The following MBNL2 variants were observed in gnomAD, a reference collection of about 807,000 sequenced individuals.
MBNL2 encodes muscleblind like splicing regulator 2.
A neutral mutation model predicts 41.9 loss-of-function variants in MBNL2; 17 were observed. The ratio of observed to expected loss-of-function variants is 0.41; its 90% CI spans 0.28 to 0.61. The LOEUF (loss-of-function observed/expected upper bound fraction) is 0.61, where lower values mean the gene tolerates loss of function less well. MBNL2 is among the 20% of genes least tolerant of loss of function. MBNL2 has a pLI of 0.35. For missense variants in MBNL2, 336 were observed against 505.6 expected (o/e 0.66, Z 3.22); for synonymous variants, 195 against 182.9 (o/e 1.07, Z -0.53).
chr13:97,203,350 A>T, the MBNL2 span, among the ~76,000 whole-genome samples: 1,868 of 152,290 alleles, frequency 0.012, 45 homozygotes, highest in African/African-American at 0.042. Context: ...TAATTCTGTG[A>T]ATAGAGGCGC....
At chr13:97,352,299 C>T (rs562939020) in intron 5 of MBNL2, among the ~76,000 whole-genome samples, 1 of 152,196 alleles carries the variant, frequency 6.6e-6, no homozygotes, top group Admixed American at 6.5e-5. Flanking sequence ...TTTCGACATG[C>T]CTTCCTCACT....
At chr13:97,160,634 A>G in the MBNL2 span, among the ~76,000 whole-genome samples, 1 of 152,112 alleles carries the variant, frequency 6.6e-6, no homozygotes, top group South Asian at 2.1e-4. Flanking sequence ...TTTCAGTTAC[A>G]TGGCTACTCA....
upstream of MBNL2, among the ~76,000 whole-genome samples, chr13:97,218,435 C>CAAAAAA (rs748001765): frequency 1.2e-4 from 8 of 67,550 alleles, no homozygotes; most frequent in East Asian, 1.4e-3. Context: ...CAAAACAAAA[C>CAAAAAA]AAAACAAAAA....
rs1206820857 is a variant in MBNL2 at position 97,268,317 on chromosome 13, G to T, written c.-604-7315G>T. Among the ~76,000 whole-genome samples, 1 of 152,124 alleles carries T rather than the reference G, an allele frequency of 6.6e-6. No homozygotes were observed. The highest frequency in any genetic ancestry group is 1.5e-5 in the Non-Finnish European group (1 of 68,018). ...GGGTTTCACCATGCTTTCCAGGCTG[G>T]TCTGGAACTCCTGACTTCAAATGAT... On this transcript the variant is annotated intron_variant, in intron 1 of 8. Transcript: ENST00000679496. The surrounding 1 kb of genome is among the most constrained non-coding windows in gnomAD (Gnocchi z 4.6).
intron 2 of MBNL2, among the ~76,000 whole-genome samples, chr13:97,287,668 A>G (rs114317862): frequency 0.017 from 2,524 of 147,570 alleles, 59 homozygotes; most frequent in African/African-American, 0.051. Flanking sequence ...TTTTCTTCTT[A>G]TTCTTCTGAT....
chr13:97,356,828 T>C lies in MBNL2; in HGVS notation c.837T>C (p.Pro279=). Residue 279 remains proline (P), a synonymous_variant, in exon 6 of 9, where the codon CCT becomes CCC. Coordinates refer to ENST00000679496, the MANE Select transcript of MBNL2 (RefSeq NM_001382683.1). ...TQSTAKAMKR[P]LEATVDLAFP... is the part of the protein sequence containing the mutation. ...CGACTGCCAAAGCAATGAAGCGACC[T>C]CTCGAAGCAACTGTAGACCTGGTAC... 7.3e-7 allele frequency: 1 copy of C among 1,363,322 alleles called. No individual in the cohort carries two copies. Among genetic ancestry groups the C allele is most frequent in the Non-Finnish European group, 9.8e-7 (1 of 1,018,326 alleles). The allele number at this position is 1,363,322 out of a possible 1,614,324, so 84.5% of individuals were successfully genotyped here. A position where few individuals can be genotyped will look rare whatever the true frequency, so the allele number is the denominator to read the frequency against.
At chr13:97,352,065 A>AAATAAAT (rs1566435696) in intron 5 of MBNL2, among the ~76,000 whole-genome samples, 4 of 145,388 alleles carry the variant, frequency 2.8e-5, no homozygotes, top group African/African-American at 7.7e-5. Context: ...AATAAATAAT[A>AAATAAAT]AATAAATAAA....
chr13:97,246,165 T>G (rs184415981), intron 1 of MBNL2, among the ~76,000 whole-genome samples: 205 of 152,304 alleles, frequency 1.3e-3, no homozygotes, highest in African/African-American at 4.7e-3. Context: ...ATACCACTTG[T>G]CCCAACTTAT....
chr13:97,144,958 C>T, the MBNL2 span, among the ~76,000 whole-genome samples: 1 of 152,178 alleles, frequency 6.6e-6, no homozygotes, highest in Non-Finnish European at 1.5e-5. Context: ...TTTGAACCCT[C>T]TAAACTTACA....
the MBNL2 span, among the ~76,000 whole-genome samples, chr13:97,167,642 C>A: frequency 1.3e-5 from 2 of 151,938 alleles, no homozygotes; most frequent in African/African-American, 4.8e-5. Context: ...AGCTAATTAC[C>A]AATCTAATTT....
chr13:97,205,327 G>A, the MBNL2 span, among the ~76,000 whole-genome samples: 3 of 150,020 alleles, frequency 2.0e-5, no homozygotes, highest in African/African-American at 7.3e-5. Context: ...GGAGCCAGAG[G>A]TACAATGAGC....
the MBNL2 span, among the ~76,000 whole-genome samples, chr13:97,174,486 TA>T: frequency 1.1e-4 from 17 of 152,234 alleles, no homozygotes; most frequent in East Asian, 3.3e-3. Flanking sequence ...GTTTGGAAGA[TA>T]AAAAGAGGAT....
At chr13:97,232,195 G>A (rs1306433516) in intron 1 of MBNL2, among the ~76,000 whole-genome samples, 2 of 152,044 alleles carry the variant, frequency 1.3e-5, no homozygotes, top group African/African-American at 2.4e-5. Flanking sequence ...CATCCATCTC[G>A]TGCCCCTGTC....
chr13:97,387,259 T>G (rs1054271965), intron 8 of MBNL2, among the ~76,000 whole-genome samples: 2 of 152,148 alleles, frequency 1.3e-5, no homozygotes, highest in Non-Finnish European at 2.9e-5. Context: ...TGCCAAGATT[T>G]CTCAGCAGCT....
chr13:97,259,131 T>C lies in MBNL2; in HGVS notation c.-604-16501T>C, dbSNP rs190817875. 2.0e-5 allele frequency among the ~76,000 whole-genome samples: 3 copies of C among 152,280 alleles called. No homozygotes were observed. In the East Asian group the frequency reaches 5.8e-4, roughly 29 times the overall value. On this transcript the variant is annotated intron_variant, in intron 1 of 8. Coordinates refer to ENST00000679496, the MANE Select transcript of MBNL2 (RefSeq NM_001382683.1). The stretch of plus-strand genomic sequence containing the variant: ...GAGCAATCTTTTCTGCTGATGGCCT[T>C]CAGGACCCAGCACTGCCCCCATTCA...
chr13:97,311,677 A>C (rs74493290), intron 2 of MBNL2, among the ~76,000 whole-genome samples: 1 of 151,922 alleles, frequency 6.6e-6, no homozygotes, highest in Non-Finnish European at 1.5e-5. Flanking sequence ...TTAAAAAAAA[A>C]CCATGTGTAG....
At chr13:97,244,062 A>G (rs758419279) in intron 1 of MBNL2, among the ~76,000 whole-genome samples, 1 of 152,218 alleles carries the variant, frequency 6.6e-6, no homozygotes, top group Non-Finnish European at 1.5e-5. Flanking sequence ...AAAAATGACC[A>G]AATAAAAAAC....
intron 1 of MBNL2, among the ~76,000 whole-genome samples, chr13:97,267,234 T>C (rs1226571859): frequency 2.0e-5 from 3 of 152,244 alleles, no homozygotes; most frequent in Non-Finnish European, 4.4e-5. Flanking sequence ...TCACCCTGCA[T>C]AACTTAGCAG....
At chr13:97,310,498 C>T (rs1018603233) in intron 2 of MBNL2, among the ~76,000 whole-genome samples, 1 of 151,190 alleles carries the variant, frequency 6.6e-6, no homozygotes, top group African/African-American at 2.4e-5. Flanking sequence ...GGCGCGATCT[C>T]GGCTCACTGC....
Sources: gnomAD v4.1 joint callset for allele counts (sites outside exome capture counted in the v4.1 genomes callset) on GRCh38, gnomAD v4.1.1 for gene constraint, Gnocchi (gnomAD v3.1) non-coding constraint, MANE v1.5 for transcripts, NCBI Gene and HGNC (gene_info 2026-07-23, HGNC 2026-07-21) for gene names.